The following NXPE2 variants were observed in gnomAD, a reference collection of about 807,000 sequenced individuals.
NXPE2 encodes NXPE family member 2.
Under a neutral mutation model 34.4 loss-of-function variants are expected in NXPE2, and 34 were observed. The observed-to-expected ratio is 0.99, with a 90% CI of 0.75 to 1.31. NXPE2 has a LOEUF of 1.31. NXPE2 is among the 40% of genes most tolerant of loss of function. The pLI is 0.00. For synonymous variants in NXPE2, 235 were observed against 231.3 expected (o/e 1.02, Z -0.15); for missense variants, 649 against 672.5 (o/e 0.97, Z 0.39).
At chr11:114,556,723 T>C in the NXPE2 span, among the ~76,000 whole-genome samples, 1 of 152,082 alleles carries the variant, frequency 6.6e-6, no homozygotes, top group Non-Finnish European at 1.5e-5. Context: ...TTTAATACTG[T>C]TCTATGAGAA....
chr11:114,785,529 G>C, the NXPE2 span, among the ~76,000 whole-genome samples: 1 of 152,130 alleles, frequency 6.6e-6, no homozygotes, highest in Non-Finnish European at 1.5e-5. Flanking sequence ...TCTATTAGCA[G>C]TTTCCTCCCC....
chr11:114,743,252 A>G, the NXPE2 span, among the ~76,000 whole-genome samples: 1 of 152,336 alleles, frequency 6.6e-6, no homozygotes, highest in Non-Finnish European at 1.5e-5. Context: ...CAGAGACATT[A>G]ACTTAGCAAA....
At chr11:114,662,030 C>A in the NXPE2 span, among the ~76,000 whole-genome samples, 1 of 152,100 alleles carries the variant, frequency 6.6e-6, no homozygotes, top group African/African-American at 2.4e-5. Context: ...ACCTACCCCC[C>A]GCAAGGACAC....
chr11:114,781,853 C>A, the NXPE2 span, among the ~76,000 whole-genome samples: 1 of 152,108 alleles, frequency 6.6e-6, no homozygotes, highest in Non-Finnish European at 1.5e-5. Context: ...ACAGTAGACC[C>A]TCAACTGGTT....
the NXPE2 span, among the ~76,000 whole-genome samples, chr11:114,538,797 A>T: frequency 6.6e-6 from 1 of 152,150 alleles, no homozygotes; most frequent in African/African-American, 2.4e-5. Context: ...GGTGCTGGAG[A>T]GGATGTGGAG....
chr11:114,495,071 C>T, the NXPE2 span, among the ~76,000 whole-genome samples: 8 of 152,190 alleles, frequency 5.3e-5, no homozygotes, highest in Non-Finnish European at 8.8e-5. Flanking sequence ...GAACAAAAGT[C>T]TCTGTCTTTA....
chr11:114,545,917 T>C, the NXPE2 span, among the ~76,000 whole-genome samples: 34,404 of 151,826 alleles, frequency 0.23, 5,496 homozygotes, highest in African/African-American at 0.44. Context: ...TCTCGATAGC[T>C]TGACTTTGCG....
the NXPE2 span, among the ~76,000 whole-genome samples, chr11:114,554,617 G>A: frequency 6.6e-6 from 1 of 152,062 alleles, no homozygotes; most frequent in Non-Finnish European, 1.5e-5. Context: ...TTAGCAGCCA[G>A]GTCTTATATT....
At chr11:114,639,830 A>ATTATATTAAATATAAAATATAATATATG in the NXPE2 span, among the ~76,000 whole-genome samples, 2 of 87,124 alleles carry the variant, frequency 2.3e-5, no homozygotes, top group Admixed American at 2.9e-4. Context: ...TATAATATAT[A>ATTATATTAAATATAAAATATAATATATG]TTATATTAAA....
the NXPE2 span, among the ~76,000 whole-genome samples, chr11:114,541,110 G>C: frequency 8.4e-3 from 1,280 of 152,150 alleles, 10 homozygotes; most frequent in Non-Finnish European, 0.012. Context: ...GGTTGGGTCA[G>C]TTTGCAGTTT....
At chr11:114,613,135 C>G in the NXPE2 span, among the ~76,000 whole-genome samples, 16 of 147,566 alleles carry the variant, frequency 1.1e-4, no homozygotes, top group African/African-American at 3.5e-4. Flanking sequence ...ATAATAAGTA[C>G]TGCCTCATAG....
chr11:114,486,223 T>G, the NXPE2 span, among the ~76,000 whole-genome samples: 11 of 152,200 alleles, frequency 7.2e-5, no homozygotes, highest in African/African-American at 2.2e-4. Flanking sequence ...TCACTGTAGT[T>G]TTGATTTGCA....
the NXPE2 span, among the ~76,000 whole-genome samples, chr11:114,739,907 G>A: frequency 6.6e-6 from 1 of 152,074 alleles, no homozygotes; most frequent in East Asian, 1.9e-4. Context: ...TGTCAAAAAT[G>A]GCAGGATTTC....
At chr11:114,616,566 A>G in the NXPE2 span, among the ~76,000 whole-genome samples, 5 of 150,802 alleles carry the variant, frequency 3.3e-5, no homozygotes, top group Non-Finnish European at 7.4e-5. Flanking sequence ...TTATTGCCTC[A>G]TGGGTAATCA....
the NXPE2 span, among the ~76,000 whole-genome samples, chr11:114,625,787 C>A: frequency 6.6e-6 from 1 of 152,070 alleles, no homozygotes; most frequent in Non-Finnish European, 1.5e-5. Flanking sequence ...TTAGGGAGTG[C>A]CAGACAGTGG....
At chr11:114,777,559 G>T in the NXPE2 span, among the ~76,000 whole-genome samples, 14 of 152,260 alleles carry the variant, frequency 9.2e-5, no homozygotes, top group Admixed American at 9.2e-4. Flanking sequence ...ATTGTATTGG[G>T]CAGGATGAGG....
At chr11:114,609,067 A>C in the NXPE2 span, among the ~76,000 whole-genome samples, 1 of 151,788 alleles carries the variant, frequency 6.6e-6, no homozygotes, top group Non-Finnish European at 1.5e-5. Context: ...CTCGTGGGTA[A>C]CCACTGTTAT....
chr11:114,630,618 G>T, the NXPE2 span, among the ~76,000 whole-genome samples: 2 of 151,172 alleles, frequency 1.3e-5, no homozygotes, highest in African/African-American at 4.9e-5. Flanking sequence ...CATGGGCAAG[G>T]ACTTCATGTC....
chr11:114,477,383 T>G, the NXPE2 span, among the ~76,000 whole-genome samples: 1 of 152,218 alleles, frequency 6.6e-6, no homozygotes, highest in African/African-American at 2.4e-5. Flanking sequence ...ACAATAAGTA[T>G]GTGAGGCGAT....
Sources: allele counts gnomAD v4.1 joint callset (sites outside exome capture counted in the v4.1 genomes callset), GRCh38; gene constraint gnomAD v4.1.1; transcripts MANE v1.5; gene names NCBI Gene and HGNC (gene_info 2026-07-23, HGNC 2026-07-21).